Variants in CADPS observed in about 807,000 individuals in gnomAD.
The protein encoded by CADPS is calcium-dependent secretion activator 1.
CADPS carries 57 observed loss-of-function variants against 167.3 expected under a neutral mutation model. That is an observed-to-expected ratio of 0.34 (90% CI 0.28 to 0.42). The LOEUF (loss-of-function observed/expected upper bound fraction) is 0.42, where lower values mean the gene tolerates loss of function less well. CADPS is among the 20% of genes least tolerant of loss of function. CADPS has a pLI of 1.00. For synonymous variants in CADPS, 676 were observed against 635.3 expected, an observed-to-expected ratio of 1.06 and a Z score of -0.96; for missense variants, 1,414 against 1,738.1, an observed-to-expected ratio of 0.81 and a Z score of 3.32.
chr3:62,422,454 C>T (rs1008195581), intron 28 of CADPS, among the ~76,000 whole-genome samples: 1 of 152,202 alleles, frequency 6.6e-6, no homozygotes, highest in Non-Finnish European at 1.5e-5. Flanking sequence ...GAAAAAACAA[C>T]TCCCTTTTTT....
rs184922570 is a variant in CADPS at position 62,602,396 on chromosome 3, G to A, written c.1326-9648C>T. ...TGTGAACTGGGTGTTAAATTGGTGC[G>A]GTTCATAAAATTAACTGTGGGCTTT... On this transcript the variant is annotated intron_variant, in intron 6 of 29. Transcript: ENST00000383710. This position sits in a 1 kb window ranked among gnomAD's most constrained non-coding sequence, Gnocchi z 4.4. Among the ~76,000 whole-genome samples, 17 of 152,148 alleles carry A rather than the reference G, an allele frequency of 1.1e-4. No individual in the cohort carries two copies. In the East Asian group the frequency reaches 1.7e-3, roughly 16 times the overall value.
rs147471570 is a variant in CADPS at position 62,504,245 on chromosome 3, T to C, written c.2600-4977A>G. On this transcript the variant is annotated intron_variant, in intron 17 of 29. Transcript: ENST00000383710. ...ATTTGGAAGACTCAGTTTTAAATGA[T>C]AACCATTTAAAAGGAGGCAACTACT... 2.8e-3 allele frequency among the ~76,000 whole-genome samples: 426 copies of C among 152,316 alleles called. 1 individual carries two copies. Among genetic ancestry groups the C allele is most frequent in the African/African-American group, 9.8e-3 (409 of 41,570 alleles).
chr3:62,811,342 C>T (rs529253182), intron 1 of CADPS, among the ~76,000 whole-genome samples: 16 of 152,216 alleles, frequency 1.1e-4, no homozygotes, highest in African/African-American at 3.4e-4. Flanking sequence ...TTCAGAGCTG[C>T]TCATTGCATA....
intron 5 of CADPS, among the ~76,000 whole-genome samples, chr3:62,647,643 G>A (rs1002041198): frequency 3.9e-5 from 6 of 152,156 alleles, no homozygotes; most frequent in African/African-American, 1.4e-4. Flanking sequence ...GATCAAATGA[G>A]ACGATGCACA....
intron 6 of CADPS, among the ~76,000 whole-genome samples, chr3:62,643,569 G>C (rs755519330): frequency 3.1e-4 from 47 of 152,170 alleles, no homozygotes; most frequent in Non-Finnish European, 3.4e-4. Context: ...GTAATTATTT[G>C]TAATCTGAAA....
rs115503875 is a variant in CADPS at position 62,604,419 on chromosome 3, C to T, written c.1326-11671G>A. ...GGAACAATGACTTCCAAGCTCTTCA[C>T]ATGCAGGACTGGGGACTGGAAGTCC... On this transcript the variant is annotated intron_variant, in intron 6 of 29. Transcript: ENST00000383710. 5.5e-3 allele frequency among the ~76,000 whole-genome samples: 835 copies of T among 152,306 alleles called. 9 individuals carry two copies. Among genetic ancestry groups the T allele is most frequent in the African/African-American group, 0.019 (801 of 41,580 alleles).
At chr3:62,867,681 T>C (rs192962409) in intron 1 of CADPS, among the ~76,000 whole-genome samples, 6 of 152,212 alleles carry the variant, frequency 3.9e-5, no homozygotes, top group African/African-American at 1.4e-4. Context: ...AGGCTTGTGA[T>C]GGCTAGTACT....
At chr3:62,581,999 A>G (rs376943519) in intron 8 of CADPS, among the ~76,000 whole-genome samples, 2 of 152,192 alleles carry the variant, frequency 1.3e-5, no homozygotes, top group Admixed American at 6.5e-5. Flanking sequence ...ACACATTTCT[A>G]TTCAATAAAG....
rs185927617 is a variant in CADPS at position 62,835,696 on chromosome 3, T to A, written c.441+38893A>T. Among the ~76,000 whole-genome samples, 165 of 152,282 alleles carry A rather than the reference T, an allele frequency of 1.1e-3. 2 individuals are homozygous for A. Among genetic ancestry groups the A allele is most frequent in the Admixed American group, 9.5e-3 (145 of 15,276 alleles). ...GGGCAAAAATTGAGCTGCGTAGTAT[T>A]GCCAGGAAAAAGTGTCAGACATTCT... On this transcript the variant is annotated intron_variant, in intron 1 of 29. Coordinates refer to ENST00000383710, the MANE Select transcript of CADPS (RefSeq NM_003716.4).
chr3:62,506,497 C>A (rs57384528), intron 17 of CADPS, among the ~76,000 whole-genome samples: 36,523 of 152,114 alleles, frequency 0.24, 4,506 homozygotes, highest in African/African-American at 0.26. Context: ...AATGGTTTTT[C>A]TTCTCTAATT....
intron 5 of CADPS, among the ~76,000 whole-genome samples, chr3:62,646,167 T>TC (rs1400404668): frequency 1.3e-5 from 2 of 150,386 alleles, no homozygotes; most frequent in South Asian, 2.1e-4. Context: ...GGCTCTTTTT[T>TC]TTTTTTTTTT....
intron 6 of CADPS, among the ~76,000 whole-genome samples, chr3:62,623,903 C>T (rs572347449): frequency 7.9e-5 from 12 of 152,110 alleles, no homozygotes; most frequent in African/African-American, 2.4e-4. Context: ...TTTGCCCTTC[C>T]ACTCCCTGGG....
At chr3:62,517,131 C>T (rs184453757) in intron 14 of CADPS, among the ~76,000 whole-genome samples, 17 of 152,150 alleles carry the variant, frequency 1.1e-4, no homozygotes, top group Non-Finnish European at 1.8e-4. Context: ...TGTTATGGAC[C>T]GTCTGCTACC....
At chr3:62,632,694 G>C (rs2065514284) in intron 6 of CADPS, among the ~76,000 whole-genome samples, 1 of 152,046 alleles carries the variant, frequency 6.6e-6, no homozygotes, top group Admixed American at 6.6e-5. Flanking sequence ...CTACCTAGCA[G>C]CAAGCACGAC....
At chr3:62,845,223 C>G (rs760595401) in intron 1 of CADPS, among the ~76,000 whole-genome samples, 4 of 152,140 alleles carry the variant, frequency 2.6e-5, no homozygotes, top group African/African-American at 7.2e-5. Context: ...TCTGAGAGAA[C>G]AAGAACTTGG....
chr3:62,848,469 A>G (rs1377846565), intron 1 of CADPS, among the ~76,000 whole-genome samples: 1 of 126,892 alleles, frequency 7.9e-6, no homozygotes, highest in Non-Finnish European at 1.7e-5. Context: ...AGGTGTAAGG[A>G]AGGGATCCAG....
At chr3:62,848,145 ATTTG>A (rs1475015295) in intron 1 of CADPS, among the ~76,000 whole-genome samples, 2 of 144,286 alleles carry the variant, frequency 1.4e-5, no homozygotes, top group African/African-American at 5.7e-5. Flanking sequence ...TTTCTTGTAA[ATTTG>A]TTTGAGTTCA....
chr3:62,511,398 T>C (rs2067792122), intron 17 of CADPS, among the ~76,000 whole-genome samples: 1 of 152,160 alleles, frequency 6.6e-6, no homozygotes, highest in East Asian at 1.9e-4. Flanking sequence ...TCTGGATGTG[T>C]GTTTTTTTAA....
Position 62,478,251 on chromosome 3 carries a change from C to T in CADPS, c.3329+10G>A. ...GGGTGTGCAGAACCTGTCCAGCCAC[C>T]TATACTTACCTTTTGACACAAGATT... On this transcript the variant is annotated intron_variant, in intron 23 of 29. Coordinates refer to ENST00000383710, the MANE Select transcript of CADPS (RefSeq NM_003716.4). The surrounding 1 kb of genome is among the most constrained non-coding windows in gnomAD (Gnocchi z 5.7). 3 of 1,613,492 alleles carry T rather than the reference C, an allele frequency of 1.9e-6. No homozygotes were observed. The highest frequency in any genetic ancestry group is 2.5e-6 in the Non-Finnish European group (3 of 1,179,736).
Sources: allele counts gnomAD v4.1 joint callset (sites outside exome capture counted in the v4.1 genomes callset), GRCh38; gene constraint gnomAD v4.1.1; non-coding constraint Gnocchi (gnomAD v3.1); transcripts MANE v1.5; gene names NCBI Gene and HGNC (gene_info 2026-07-23, HGNC 2026-07-21).